Variants in DIPK1C observed in about 807,000 individuals in gnomAD.
DIPK1C encodes the protein divergent protein kinase domain 1C, also known as familial non-conventional Alzheimer's dementia.
DIPK1C carries 33 observed loss-of-function variants against 28.0 expected under a neutral mutation model. The ratio of observed to expected loss-of-function variants is 1.18; its 90% confidence interval spans 0.89 to 1.58. The LOEUF (loss-of-function observed/expected upper bound fraction) is 1.58, where lower values mean the gene tolerates loss of function less well. Among genes scored for constraint, DIPK1C ranks in the 40% most tolerant of loss-of-function variants. The pLI, the probability that DIPK1C is intolerant of heterozygous loss-of-function variation, is 0.00. For synonymous variants in DIPK1C, 255 were observed against 248.8 expected (o/e 1.02, Z -0.23); for missense variants, 569 against 568.5 (o/e 1.00, Z -0.01).
chr18:74,454,772 C>T (rs771866696), intron 1 of DIPK1C, among the ~76,000 whole-genome samples: 62 of 152,094 alleles, frequency 4.1e-4, no homozygotes, highest in Non-Finnish European at 1.8e-4. Flanking sequence ...AGATTGGGGT[C>T]GTATTTAAAC....
intron 1 of DIPK1C, among the ~76,000 whole-genome samples, chr18:74,449,251 T>C (rs931134236): frequency 2.6e-5 from 4 of 152,346 alleles, no homozygotes; most frequent in South Asian, 2.1e-4. Flanking sequence ...TGAATTCGCA[T>C]ACATTTTGCT....
At chr18:74,464,406 A>T in the DIPK1C span, among the ~76,000 whole-genome samples, 8 of 152,244 alleles carry the variant, frequency 5.3e-5, no homozygotes, top group Non-Finnish European at 8.8e-5. Context: ...AACAAAATTA[A>T]GAAGGTACAG....
intron 2 of DIPK1C, among the ~76,000 whole-genome samples, chr18:74,445,883 T>G (rs563006325): frequency 6.6e-6 from 1 of 152,282 alleles, no homozygotes; most frequent in South Asian, 2.1e-4. Flanking sequence ...CGCAGCAGCA[T>G]GAATCTGACC....
intron 1 of DIPK1C, among the ~76,000 whole-genome samples, chr18:74,453,933 C>T (rs188696168): frequency 3.1e-4 from 47 of 152,298 alleles, no homozygotes; most frequent in Admixed American, 8.5e-4. Flanking sequence ...ACAATTCGCA[C>T]AGTGCCTTCC....
intron 2 of DIPK1C, among the ~76,000 whole-genome samples, chr18:74,444,046 T>TAAA (rs201982229): frequency 5.5e-5 from 8 of 146,682 alleles, no homozygotes; most frequent in East Asian, 3.9e-4. Flanking sequence ...AGAACAGTAT[T>TAAA]AAAAAAAAAA....
rs1035780610 is a variant in DIPK1C at position 74,455,028 on chromosome 18, G to A, written c.198+2034C>T. Among the ~76,000 whole-genome samples the A allele has an allele frequency of 4.6e-5, 7 of 152,178 alleles. No homozygotes were observed. The South Asian group carries it at 8.3e-4, about 18-fold the overall frequency. On this transcript the variant is annotated intron_variant, in intron 1 of 3. Transcript: ENST00000343998. ...GGAGATGGATGTGGCCTCCGACATC[G>A]TTCTTTTGGCAATAGGAAAGACTGC...
At chr18:74,449,217 T>C (rs1005420005) in intron 1 of DIPK1C, among the ~76,000 whole-genome samples, 2 of 152,248 alleles carry the variant, frequency 1.3e-5, no homozygotes, top group Non-Finnish European at 2.9e-5. Context: ...AGCCTATTTG[T>C]ATCTATATGT....
chr18:74,437,765 G>A (rs539988707), intron 3 of DIPK1C, among the ~76,000 whole-genome samples: 9 of 152,130 alleles, frequency 5.9e-5, no homozygotes, highest in Non-Finnish European at 1.2e-4. Flanking sequence ...CTCAGCTCCC[G>A]CTCTGAGAAT....
chr18:74,445,775 C>G (rs1380467894), intron 2 of DIPK1C, among the ~76,000 whole-genome samples: 3 of 152,204 alleles, frequency 2.0e-5, no homozygotes, highest in African/African-American at 7.2e-5. Context: ...CCGCCCTCCC[C>G]AAACCCATCC....
intron 1 of DIPK1C, among the ~76,000 whole-genome samples, chr18:74,456,301 A>G (rs1986510122): frequency 1.3e-5 from 2 of 152,374 alleles, no homozygotes; most frequent in South Asian, 2.1e-4. Flanking sequence ...CAGCGTACGC[A>G]GCAGTCTGCA....
rs764498424 is a variant in DIPK1C at position 74,446,834 on chromosome 18, G to A, written c.648C>T (p.Cys216=). 494 of 1,501,148 alleles carry A rather than the reference G, an allele frequency of 3.3e-4. 5 individuals are homozygous for A. In the South Asian group the frequency reaches 5.3e-3, roughly 16 times the overall value. The allele number at this position is 1,501,148 out of a possible 1,614,324, so 93.0% of individuals were successfully genotyped here. The change falls in exon 2 of 4, where the codon TGC becomes TGT. Residue 216 remains cysteine, a synonymous_variant. Transcript: ENST00000343998. Reference sequence around the variant, plus strand: ...GGAACTCCACCGCGTAGAAGTGGCCGCAGGAACCCAGCACGGGCAGCACGT... The same window carrying A: ...GGAACTCCACCGCGTAGAAGTGGCCACAGGAACCCAGCACGGGCAGCACGT... ...SPHVLPVLGS[C]GHFYAVEFLA...
At position 74,436,102 on chromosome 18, in the gene DIPK1C, G is replaced by A; in HGVS notation, c.*399C>T. 2 of 225,978 alleles carry A rather than the reference G, an allele frequency of 8.9e-6. No homozygotes were observed. The highest frequency in any genetic ancestry group is 2.3e-4 in the East Asian group (2 of 8,662). The allele number at this position is 225,978 out of a possible 1,614,324, so 14.0% of individuals were successfully genotyped here. Reference sequence around the variant, plus strand: ...ACATGCTCATTTGCACCCAGACACAGGCATACACATCATTTGTATGCACAC... The same window carrying A: ...ACATGCTCATTTGCACCCAGACACAAGCATACACATCATTTGTATGCACAC... On this transcript the variant is annotated 3_prime_UTR_variant, in exon 4 of 4. Transcript: ENST00000343998.
In DIPK1C at chr18:74,435,074, C is replaced by T. The variant is rs984727325; in HGVS notation, c.*1427G>A. 2.0e-5 allele frequency: 3 copies of T among 152,312 alleles called. No homozygotes were observed. Among genetic ancestry groups the T allele is most frequent in the Admixed American group, 1.3e-4 (2 of 15,306 alleles). 9.4% of individuals were successfully genotyped at this position (152,312 alleles called of 1,614,324 possible). ...TGAAGGGCAGAGTCAGTAAATGTGA[C>T]CCCAAAGTCTGGAAGAAGGCATTCC... On this transcript the variant is annotated 3_prime_UTR_variant, in exon 4 of 4. Transcript: ENST00000343998.
the DIPK1C span, among the ~76,000 whole-genome samples, chr18:74,464,413 A>G: frequency 6.6e-6 from 1 of 152,248 alleles, no homozygotes; most frequent in Admixed American, 6.5e-5. Context: ...TTAAGAAGGT[A>G]CAGAGATTTT....
At chr18:74,436,792 G>T (rs2144508751) in intron 3 of DIPK1C, 73 bp from the exon 4 acceptor site, 1 of 1,389,452 alleles carries the variant, frequency 7.2e-7, no homozygotes, top group Non-Finnish European at 9.7e-7. Context: ...CCCAGGATTG[G>T]TTCTGAAACA....
At chr18:74,463,296 C>T in the DIPK1C span, among the ~76,000 whole-genome samples, 1 of 152,258 alleles carries the variant, frequency 6.6e-6, no homozygotes, top group East Asian at 1.9e-4. Flanking sequence ...TTCCGTTTTG[C>T]GATGCTTTTG....
upstream of DIPK1C, among the ~76,000 whole-genome samples, chr18:74,459,786 C>T (rs1488124707): frequency 9.2e-5 from 14 of 152,184 alleles, no homozygotes; most frequent in Admixed American, 9.2e-4. Context: ...AAAGATATTA[C>T]AGGAGAAATT....
At chr18:74,455,349 C>T (rs1215110290) in intron 1 of DIPK1C, among the ~76,000 whole-genome samples, 3 of 152,108 alleles carry the variant, frequency 2.0e-5, no homozygotes, top group Non-Finnish European at 4.4e-5. Flanking sequence ...AGGTATTCCC[C>T]TCTAGTTAAA....
In DIPK1C at chr18:74,447,792, G is replaced by A. The variant is rs745781208; in HGVS notation, c.199-509C>T. On this transcript the variant is annotated intron_variant, in intron 1 of 3. Coordinates refer to ENST00000343998, the MANE Select transcript of DIPK1C (RefSeq NM_001044369.3). This position sits in a 1 kb window ranked among gnomAD's most constrained non-coding sequence, Gnocchi z 4.1. The stretch of plus-strand genomic sequence containing the variant: ...CCCTTCCTGCAAGTACATTCCTTGA[G>A]CTTACTGTTTTCCACATGAAATGGA... 4.6e-5 allele frequency among the ~76,000 whole-genome samples: 7 copies of A among 152,168 alleles called. No homozygotes were observed. Among genetic ancestry groups the A allele is most frequent in the Non-Finnish European group, 7.3e-5 (5 of 68,034 alleles).
Sources: gnomAD v4.1 joint callset for allele counts (sites outside exome capture counted in the v4.1 genomes callset) on GRCh38, gnomAD v4.1.1 for gene constraint, Gnocchi (gnomAD v3.1) non-coding constraint, MANE v1.5 for transcripts, NCBI Gene and HGNC (gene_info 2026-07-23, HGNC 2026-07-21) for gene names.